The following GLG1 variants were observed in gnomAD, a reference collection of about 807,000 sequenced individuals.
GLG1 encodes the protein golgi glycoprotein 1.
GLG1 carries 38 observed loss-of-function variants against 160.5 expected under a neutral mutation model. The observed-to-expected ratio is 0.24, with a 90% CI of 0.18 to 0.31. The LOEUF (loss-of-function observed/expected upper bound fraction) is 0.31. Ranked by LOEUF, GLG1 falls within the 10% of genes least tolerant of loss-of-function variation. The probability of loss-of-function intolerance (pLI) is 1.00; values close to 1 mark genes in which losing one functional copy is unlikely to be tolerated. For synonymous variants in GLG1, 644 were observed against 543.4 expected, an observed-to-expected ratio of 1.19 and a Z score of -2.57; for missense variants, 1,373 against 1,505.2, an observed-to-expected ratio of 0.91 and a Z score of 1.45.
intron 1 of GLG1, among the ~76,000 whole-genome samples, chr16:74,546,459 T>G (rs2018049105): frequency 6.6e-6 from 1 of 152,088 alleles, no homozygotes; most frequent in South Asian, 2.1e-4. Flanking sequence ...AATTAATTAA[T>G]TAAATAAAAT....
At chr16:74,586,307 T>C (rs980592667) in intron 1 of GLG1, among the ~76,000 whole-genome samples, 3 of 152,260 alleles carry the variant, frequency 2.0e-5, no homozygotes, top group African/African-American at 4.8e-5. Flanking sequence ...TTGGGTTTTT[T>C]ATGGAAGTTA....
chr16:74,505,613 G>T (rs1356443879), intron 3 of GLG1, among the ~76,000 whole-genome samples: 2 of 152,186 alleles, frequency 1.3e-5, no homozygotes, highest in Non-Finnish European at 2.9e-5. Context: ...CTAGCACTTT[G>T]GGAGGCTGAG....
At chr16:74,588,191 G>A (rs1017897641) in intron 1 of GLG1, among the ~76,000 whole-genome samples, 1 of 152,006 alleles carries the variant, frequency 6.6e-6, no homozygotes, top group African/African-American at 2.4e-5. Flanking sequence ...AGGAGAGAAA[G>A]AGGGACAAAA....
chr16:74,596,469 C>T (rs1038387579), intron 1 of GLG1, among the ~76,000 whole-genome samples: 1 of 151,072 alleles, frequency 6.6e-6, no homozygotes, highest in African/African-American at 2.4e-5. Flanking sequence ...GCAGAGGTTG[C>T]AGTGAGCCAA....
intron 1 of GLG1, among the ~76,000 whole-genome samples, chr16:74,598,795 A>G (rs1958367583): frequency 1.3e-5 from 2 of 151,774 alleles, no homozygotes; most frequent in Admixed American, 6.6e-5. Flanking sequence ...GAGGCAGGAG[A>G]ATGGCTTGAA....
intron 1 of GLG1, among the ~76,000 whole-genome samples, chr16:74,556,301 T>C (rs762415311): frequency 1.1e-4 from 16 of 152,188 alleles, no homozygotes; most frequent in African/African-American, 2.7e-4. Flanking sequence ...TAAGTAGCTA[T>C]TGATTATCTT....
intron 4 of GLG1, among the ~76,000 whole-genome samples, chr16:74,499,865 T>C (rs764728841): frequency 9.2e-5 from 14 of 152,262 alleles, no homozygotes; most frequent in Non-Finnish European, 1.6e-4. Flanking sequence ...TAGCCGGGCA[T>C]GGTGGCAGGC....
At chr16:74,575,409 A>G (rs561850615) in intron 1 of GLG1, among the ~76,000 whole-genome samples, 169 of 152,374 alleles carry the variant, frequency 1.1e-3, no homozygotes, top group Non-Finnish European at 1.6e-3. Flanking sequence ...TTCTGATTTC[A>G]AAGATGTTAA....
intron 1 of GLG1, among the ~76,000 whole-genome samples, chr16:74,572,086 T>G (rs1258019833): frequency 6.6e-6 from 1 of 152,050 alleles, no homozygotes; most frequent in East Asian, 1.9e-4. Context: ...GGCTAGTCAC[T>G]GGAAAAACCA....
intron 1 of GLG1, among the ~76,000 whole-genome samples, chr16:74,541,594 A>C (rs1229327461): frequency 6.6e-6 from 1 of 152,206 alleles, no homozygotes; most frequent in African/African-American, 2.4e-5. Context: ...TATAAGCATC[A>C]GGAGAAAAGT....
chr16:74,604,608 A>AC (rs1958521808), intron 1 of GLG1, among the ~76,000 whole-genome samples: 1 of 152,272 alleles, frequency 6.6e-6, no homozygotes, highest in South Asian at 2.1e-4. Flanking sequence ...TACTTACTGA[A>AC]CAGCAAATAC....
At chr16:74,481,552 A>C (rs1427545948) in intron 10 of GLG1, among the ~76,000 whole-genome samples, 1 of 152,202 alleles carries the variant, frequency 6.6e-6, no homozygotes, top group Non-Finnish European at 1.5e-5. Context: ...ATTTAGGTTG[A>C]GATGGCCTGA....
chr16:74,599,740 T>C (rs1212108058), intron 1 of GLG1, among the ~76,000 whole-genome samples: 1 of 151,972 alleles, frequency 6.6e-6, no homozygotes, highest in Non-Finnish European at 1.5e-5. Context: ...GGTGGGCGCC[T>C]GTAGTCCCAG....
intron 1 of GLG1, among the ~76,000 whole-genome samples, chr16:74,533,529 C>T (rs1442634929): frequency 6.6e-6 from 1 of 152,102 alleles, no homozygotes; most frequent in Non-Finnish European, 1.5e-5. Flanking sequence ...ACCTGTAATC[C>T]CAGCACTTTG....
At position 74,452,169 on chromosome 16, in the gene GLG1, C is replaced by T. The variant is rs374970900; in HGVS notation, c.*998G>A. 3.7e-6 allele frequency: 6 copies of T among 1,608,910 alleles called. No homozygotes were observed. Among genetic ancestry groups the T allele is most frequent in the Non-Finnish European group, 5.1e-6 (6 of 1,177,466 alleles). On this transcript the variant is annotated 3_prime_UTR_variant, in exon 26 of 26. Transcript: ENST00000422840. Reference sequence around the variant, plus strand: ...GCAAAGTGAGTCAAACCTCTGGCTCCCACTTCCTGACCCACTGCTCCCCAC... The same window carrying T: ...GCAAAGTGAGTCAAACCTCTGGCTCTCACTTCCTGACCCACTGCTCCCCAC...
At chr16:74,490,902 C>G in intron 8 of GLG1, 99 bp downstream of exon 8, 1 of 787,632 alleles carries the variant, frequency 1.3e-6, no homozygotes, top group South Asian at 1.6e-5. Flanking sequence ...AATGTGATAC[C>G]ACAGATGATC....
At chr16:74,555,594 G>A (rs1010552510) in intron 1 of GLG1, among the ~76,000 whole-genome samples, 8 of 151,908 alleles carry the variant, frequency 5.3e-5, no homozygotes, top group African/African-American at 1.9e-4. Context: ...GGAGGCTGGG[G>A]CAGGAGGATC....
chr16:74,484,257 G>C (rs1218506136), intron 9 of GLG1, among the ~76,000 whole-genome samples: 1 of 152,134 alleles, frequency 6.6e-6, no homozygotes, highest in Non-Finnish European at 1.5e-5. Flanking sequence ...CTTTGTTGTT[G>C]GGTATGGCCA....
chr16:74,523,796 TAC>T (rs2017248222), intron 2 of GLG1, among the ~76,000 whole-genome samples: 1 of 151,920 alleles, frequency 6.6e-6, no homozygotes, highest in Non-Finnish European at 1.5e-5. Flanking sequence ...CATGAGACTT[TAC>T]TAAGTTCATC....
Sources: allele counts gnomAD v4.1 joint callset (sites outside exome capture counted in the v4.1 genomes callset), GRCh38; gene constraint gnomAD v4.1.1; transcripts MANE v1.5; gene names NCBI Gene and HGNC (gene_info 2026-07-23, HGNC 2026-07-21).